The following PTPRD variants were observed in gnomAD, a reference collection of about 807,000 sequenced individuals.
PTPRD encodes the protein receptor-type tyrosine-protein phosphatase delta.
A neutral mutation model predicts 214.5 loss-of-function variants in PTPRD; 34 were observed. That is an observed-to-expected ratio of 0.16 (90% CI 0.12 to 0.21). PTPRD has a LOEUF of 0.21. Among genes scored for constraint, PTPRD ranks in the 10% least tolerant of loss-of-function variants. The pLI, the probability that PTPRD is intolerant of heterozygous loss-of-function variation, is 1.00. For missense variants in PTPRD, 2,545 were observed against 2,398.7 expected (o/e 1.06, Z -1.27); for synonymous variants, 1,128 against 845.7 (o/e 1.33, Z -5.79).
At chr9:9,224,908 G>C (rs1295700190) in intron 9 of PTPRD, among the ~76,000 whole-genome samples, 1 of 151,958 alleles carries the variant, frequency 6.6e-6, no homozygotes, top group Non-Finnish European at 1.5e-5. Flanking sequence ...TCTATGAACT[G>C]AAATTGCTCA....
intron 8 of PTPRD, among the ~76,000 whole-genome samples, chr9:9,397,815 T>C (rs946680972): frequency 5.9e-5 from 9 of 152,006 alleles, no homozygotes; most frequent in Non-Finnish European, 1.3e-4. Context: ...ACAATCTTGG[T>C]CCTGGCACAA....
chr9:9,855,852 G>T (rs2061456373), intron 5 of PTPRD, among the ~76,000 whole-genome samples: 1 of 152,200 alleles, frequency 6.6e-6, no homozygotes, highest in Admixed American at 6.5e-5. Context: ...GCAGTCCATG[G>T]ACGGCTTTAA....
intron 10 of PTPRD, among the ~76,000 whole-genome samples, chr9:9,087,308 G>C (rs967717049): frequency 2.0e-5 from 3 of 152,130 alleles, no homozygotes; most frequent in African/African-American, 7.2e-5. Flanking sequence ...GTGCATAGAT[G>C]AATGTAATAG....
intron 35 of PTPRD, among the ~76,000 whole-genome samples, chr9:8,423,528 T>A (rs2131709075): frequency 6.6e-6 from 1 of 152,302 alleles, no homozygotes; most frequent in Non-Finnish European, 1.5e-5. Context: ...TAAAGGTGAA[T>A]ATTACTATGT....
intron 4 of PTPRD, among the ~76,000 whole-genome samples, chr9:9,990,791 C>T (rs1418647683): frequency 6.6e-6 from 1 of 152,108 alleles, no homozygotes; most frequent in Non-Finnish European, 1.5e-5. Context: ...TATCATGTTA[C>T]CCTAAATACA....
chr9:8,470,168 A>G (rs566878295), intron 31 of PTPRD, among the ~76,000 whole-genome samples: 1 of 152,270 alleles, frequency 6.6e-6, no homozygotes, highest in Admixed American at 6.5e-5. Context: ...TCATGTTAAA[A>G]TAACAAAGGC....
At chr9:10,153,705 G>T (rs1270556918) in intron 3 of PTPRD, among the ~76,000 whole-genome samples, 1 of 151,956 alleles carries the variant, frequency 6.6e-6, no homozygotes. Context: ...TTCACCCTCT[G>T]GGAGGTAACA....
chr9:10,275,591 C>T (rs1477940182), intron 3 of PTPRD, among the ~76,000 whole-genome samples: 1 of 151,996 alleles, frequency 6.6e-6, no homozygotes, highest in Non-Finnish European at 1.5e-5. Flanking sequence ...AAGGGAAGTT[C>T]GATTCCATTA....
intron 11 of PTPRD, among the ~76,000 whole-genome samples, chr9:8,980,838 G>C (rs1477718003): frequency 6.6e-6 from 1 of 151,660 alleles, no homozygotes; most frequent in Non-Finnish European, 1.5e-5. Flanking sequence ...GAATCATGTA[G>C]GGCAAAGGGT....
chr9:8,961,363 C>T (rs1173415936), intron 11 of PTPRD, among the ~76,000 whole-genome samples: 6 of 152,180 alleles, frequency 3.9e-5, no homozygotes, highest in South Asian at 2.1e-4. Flanking sequence ...ATTCTTTCCC[C>T]GTGTCATCAT....
intron 10 of PTPRD, among the ~76,000 whole-genome samples, chr9:9,036,823 A>G (rs2099623439): frequency 6.6e-6 from 1 of 152,122 alleles, no homozygotes; most frequent in Non-Finnish European, 1.5e-5. Flanking sequence ...ATGAGATCTC[A>G]GCATGCCTCT....
chr9:10,399,087 G>A (rs764020455), intron 2 of PTPRD, among the ~76,000 whole-genome samples: 4 of 151,908 alleles, frequency 2.6e-5, no homozygotes, highest in Non-Finnish European at 5.9e-5. Context: ...GTTGGCTCCT[G>A]CAGAGATGAG....
intron 4 of PTPRD, among the ~76,000 whole-genome samples, chr9:9,999,670 G>T (rs1242848902): frequency 6.6e-6 from 1 of 152,158 alleles, no homozygotes; most frequent in African/African-American, 2.4e-5. Context: ...TGGAATTCTG[G>T]TTGTAAAATT....
At chr9:9,991,839 C>G (rs1217259021) in intron 4 of PTPRD, among the ~76,000 whole-genome samples, 3 of 61,976 alleles carry the variant, frequency 4.8e-5, no homozygotes, top group African/African-American at 6.9e-5. Context: ...GCACCACACA[C>G]ACACACACAC....
In PTPRD at chr9:9,485,700, C is replaced by T. The variant is rs73641306; in HGVS notation, c.-236-88218G>A. Among the ~76,000 whole-genome samples the T allele has an allele frequency of 5.5e-3, 832 of 152,234 alleles. 4 individuals are homozygous for T. Among genetic ancestry groups the T allele is most frequent in the African/African-American group, 0.018 (740 of 41,546 alleles). Reference sequence around the variant, plus strand: ...TCTTCTTTCCTCTTCTAAAGTATTGCGATTCTGGTACAAGACTTATTTCTC... The same window carrying T: ...TCTTCTTTCCTCTTCTAAAGTATTGTGATTCTGGTACAAGACTTATTTCTC... On this transcript the variant is annotated intron_variant, in intron 8 of 45. Coordinates refer to ENST00000381196, the MANE Select transcript of PTPRD (RefSeq NM_002839.4).
At chr9:8,816,829 G>A (rs1003329720) in intron 11 of PTPRD, among the ~76,000 whole-genome samples, 3 of 152,182 alleles carry the variant, frequency 2.0e-5, no homozygotes, top group Non-Finnish European at 2.9e-5. Flanking sequence ...TTACCTAGCA[G>A]TACAAGCCCT....
intron 9 of PTPRD, among the ~76,000 whole-genome samples, chr9:9,261,638 G>A (rs939298925): frequency 8.0e-6 from 1 of 125,658 alleles, no homozygotes. Flanking sequence ...GTGTGTGCAT[G>A]TGCATGCACG....
At chr9:8,917,054 C>CTTT (rs61077928) in intron 11 of PTPRD, among the ~76,000 whole-genome samples, 5 of 125,802 alleles carry the variant, frequency 4.0e-5, no homozygotes, top group African/African-American at 1.4e-4. Context: ...CATTTTCTTT[C>CTTT]TTTTTTTTTT....
chr9:8,706,026 T>C (rs550695200), intron 12 of PTPRD, among the ~76,000 whole-genome samples: 234 of 152,318 alleles, frequency 1.5e-3, no homozygotes, highest in Non-Finnish European at 2.4e-3. Context: ...ACTACTGCTA[T>C]CTTGTCGACC....
Sources: gnomAD v4.1 joint callset for allele counts (sites outside exome capture counted in the v4.1 genomes callset) on GRCh38, gnomAD v4.1.1 for gene constraint, MANE v1.5 for transcripts, NCBI Gene and HGNC (gene_info 2026-07-23, HGNC 2026-07-21) for gene names.